Variants in APP observed in about 807,000 individuals in gnomAD.
APP encodes the protein amyloid-beta precursor protein.
In APP, 31 loss-of-function variants were observed where a neutral mutation model predicts 101.4. The observed-to-expected ratio is 0.31, with a 90% CI of 0.23 to 0.41. The LOEUF (loss-of-function observed/expected upper bound fraction) is 0.41. Among genes scored for constraint, APP ranks in the 10% least tolerant of loss-of-function variants. The pLI is 1.00. For missense variants in APP, 839 were observed against 1,003.7 expected (o/e 0.84, Z 2.22); for synonymous variants, 366 against 364.4 (o/e 1.00, Z -0.05).
chr21:26,029,705 G>T (rs2044736427), intron 5 of APP, among the ~76,000 whole-genome samples: 1 of 152,152 alleles, frequency 6.6e-6, no homozygotes, highest in Non-Finnish European at 1.5e-5. Context: ...CACAGAGCAG[G>T]TCTTGGCAAA....
intron 2 of APP, among the ~76,000 whole-genome samples, chr21:26,100,953 C>T (rs2062041354): frequency 6.6e-6 from 1 of 152,160 alleles, no homozygotes; most frequent in South Asian, 2.1e-4. Context: ...CAGAGACCTG[C>T]CCTGCAGTGT....
At chr21:26,009,952 TAA>T (rs376414718) in intron 6 of APP, 101 of 148,256 alleles carry the variant, frequency 6.8e-4, no homozygotes, top group South Asian at 2.6e-3. Flanking sequence ...TGTTCCGGTT[TAA>T]AAAAAAAAAA....
chr21:26,082,230 A>T (rs551216873), intron 3 of APP, among the ~76,000 whole-genome samples: 1 of 151,398 alleles, frequency 6.6e-6, no homozygotes, highest in Non-Finnish European at 1.5e-5. Context: ...AAAAATGAAT[A>T]AAATAAATAA....
chr21:25,952,809 A>G (rs1024224614), intron 13 of APP, among the ~76,000 whole-genome samples: 4 of 152,212 alleles, frequency 2.6e-5, no homozygotes, highest in Non-Finnish European at 5.9e-5. Context: ...ATTAAGACTG[A>G]TAAATTATTT....
At chr21:26,123,253 C>T (rs1001986197) in intron 1 of APP, among the ~76,000 whole-genome samples, 5 of 152,118 alleles carry the variant, frequency 3.3e-5, no homozygotes, top group Non-Finnish European at 5.9e-5. Flanking sequence ...GTGCTTATAA[C>T]TCTCATACTG....
intron 8 of APP, among the ~76,000 whole-genome samples, chr21:25,996,038 T>A (rs1448998692): frequency 6.6e-6 from 1 of 152,144 alleles, no homozygotes; most frequent in Non-Finnish European, 1.5e-5. Flanking sequence ...ATCATAAGCA[T>A]AAATGGCATA....
intron 3 of APP, among the ~76,000 whole-genome samples, chr21:26,058,964 C>T (rs2145986245): frequency 6.6e-6 from 1 of 151,844 alleles, no homozygotes; most frequent in South Asian, 2.1e-4. Flanking sequence ...GCCTGTAGTC[C>T]CAGCTACTCG....
intron 1 of APP, among the ~76,000 whole-genome samples, chr21:26,125,356 G>C (rs2062660375): frequency 6.6e-6 from 1 of 152,162 alleles, no homozygotes; most frequent in African/African-American, 2.4e-5. Flanking sequence ...ACAACTCTAA[G>C]TCAGGCTGGA....
chr21:26,014,986 T>C (rs1346466697), intron 6 of APP, among the ~76,000 whole-genome samples: 1 of 152,224 alleles, frequency 6.6e-6, no homozygotes, highest in African/African-American at 2.4e-5. Context: ...CATCTAATAC[T>C]ATCTTATCCA....
intron 17 of APP, among the ~76,000 whole-genome samples, chr21:25,888,825 G>A (rs188448481): frequency 6.6e-5 from 10 of 152,312 alleles, no homozygotes; most frequent in Admixed American, 1.3e-4. Context: ...AAAGGCAACC[G>A]GTTATCTGGG....
intron 11 of APP, among the ~76,000 whole-genome samples, chr21:25,965,119 C>T (rs1392541913): frequency 6.6e-6 from 1 of 152,182 alleles, no homozygotes; most frequent in African/African-American, 2.4e-5. Flanking sequence ...CCTGGGAATA[C>T]AGAAAGGACA....
chr21:26,168,410 C>A (rs1285349022), intron 1 of APP, among the ~76,000 whole-genome samples: 2 of 152,162 alleles, frequency 1.3e-5, no homozygotes, highest in African/African-American at 4.8e-5. Context: ...ACCAACACTT[C>A]GCAAAATGGC....
chr21:25,893,355 C>G (rs1249060586), intron 16 of APP, among the ~76,000 whole-genome samples: 1 of 152,170 alleles, frequency 6.6e-6, no homozygotes, highest in African/African-American at 2.4e-5. Flanking sequence ...TCACAGGTCT[C>G]TCACTTTAAA....
chr21:26,101,011 C>A (rs187916503), intron 2 of APP, among the ~76,000 whole-genome samples: 2 of 152,030 alleles, frequency 1.3e-5, no homozygotes, highest in African/African-American at 2.4e-5. Flanking sequence ...AGACCCTAGC[C>A]CCTAGCTCCA....
At chr21:25,982,198 T>C in intron 9 of APP, 146 bp downstream of exon 9, 1 of 917,428 alleles carries the variant, frequency 1.1e-6, no homozygotes, top group Non-Finnish European at 1.7e-6. Context: ...ACCCACAAAC[T>C]GTGCCCACAC....
chr21:26,123,207 A>G (rs1490875317), intron 1 of APP, among the ~76,000 whole-genome samples: 2 of 152,184 alleles, frequency 1.3e-5, no homozygotes, highest in Non-Finnish European at 2.9e-5. Flanking sequence ...ATTTCCTTTC[A>G]AAGTGTCATA....
rs2062364048 is a variant in APP at position 26,113,112 on chromosome 21, T to C, written c.58-966A>G. 2.6e-5 allele frequency among the ~76,000 whole-genome samples: 4 copies of C among 151,932 alleles called. No homozygotes were observed. In the South Asian group the frequency reaches 8.3e-4, roughly 32 times the overall value. ...AAAAATATATCCACAGGAGTAAAGG[T>C]GTTATTAAACCAATCAATTAGAAGG... On this transcript the variant is annotated intron_variant, in intron 1 of 17. Transcript: ENST00000346798.
At chr21:26,116,807 T>C (rs1184931412) in intron 1 of APP, among the ~76,000 whole-genome samples, 1 of 152,230 alleles carries the variant, frequency 6.6e-6, no homozygotes, top group Non-Finnish European at 1.5e-5. Context: ...CTAGTCTAAA[T>C]AGCTGGCCTC....
chr21:25,942,656 G>C (rs772822786), intron 13 of APP: 2 of 152,190 alleles, frequency 1.3e-5, no homozygotes, highest in Non-Finnish European at 2.9e-5. Context: ...AAAGAATGTG[G>C]AACATGGGAA....
Sources: allele counts gnomAD v4.1 joint callset (sites outside exome capture counted in the v4.1 genomes callset), GRCh38; gene constraint gnomAD v4.1.1; transcripts MANE v1.5; gene names NCBI Gene and HGNC (gene_info 2026-07-23, HGNC 2026-07-21).